DENND6B: variants seen among roughly 807,000 people sequenced by gnomAD.
DENND6B encodes protein DENND6B.
Under a neutral mutation model 85.1 loss-of-function variants are expected in DENND6B, and 73 were observed. The observed-to-expected ratio is 0.86, with a 90% CI of 0.71 to 1.04. The LOEUF (loss-of-function observed/expected upper bound fraction) is 1.04, where lower values mean the gene tolerates loss of function less well. Among genes scored for constraint, DENND6B ranks in the 50% least tolerant of loss-of-function variants. DENND6B has a pLI of 0.00. For synonymous variants in DENND6B, 357 were observed against 329.3 expected (o/e 1.08, Z -0.91); for missense variants, 715 against 785.8 (o/e 0.91, Z 1.08).
At chr22:50,318,702 C>T (rs1022612842) in intron 3 of DENND6B, 145 bp downstream of exon 3, 9 of 1,197,306 alleles carry the variant, frequency 7.5e-6, no homozygotes, top group Admixed American at 4.3e-5. Context: ...GGTGCCTCCA[C>T]GGAGTGGGCA....
intron 17 of DENND6B, 61 bp from the exon 18 acceptor site, chr22:50,312,686 C>A: frequency 8.4e-7 from 1 of 1,183,606 alleles, no homozygotes. Flanking sequence ...AGGCGGGGGC[C>A]ATGGGGCTGA....
chr22:50,313,089 G>A lies in DENND6B; in HGVS notation c.1367C>T (p.Pro456Leu). ...TPWKTPPQIQ[P>L]FSQDDFLRSL... ...ACGCAGGAAGTCATCCTGGCTGAAG[G>A]GCTGGATCTGGGGGGGAGTCTGAGA... The change falls in exon 17 of 20, where the codon CCC (proline) becomes CTC (leucine). Residue 456 changes from proline (P) to leucine (L), a missense_variant. Transcript: ENST00000413817. 1.3e-6 allele frequency: 2 copies of A among 1,556,590 alleles called. No homozygotes were observed. Among genetic ancestry groups the A allele is most frequent in the Non-Finnish European group, 1.7e-6 (2 of 1,150,764 alleles).
At chr22:50,314,057 C>A in intron 13 of DENND6B, 150 bp downstream of exon 13, 1 of 1,270,894 alleles carries the variant, frequency 7.9e-7, no homozygotes, top group Non-Finnish European at 1.1e-6. Context: ...GAGAAGAGAG[C>A]GACCCCTCCC....
intron 16 of DENND6B, 62 bp from the exon 17 acceptor site, chr22:50,313,170 G>T: frequency 6.9e-7 from 1 of 1,458,518 alleles, no homozygotes; most frequent in South Asian, 1.3e-5. Context: ...CACCCGGTAC[G>T]CTTCCCAGAC....
At chr22:50,326,760 C>A in intron 1 of DENND6B, 52 bp downstream of exon 1, 1 of 1,316,366 alleles carries the variant, frequency 7.6e-7, no homozygotes, top group Non-Finnish European at 9.6e-7. Context: ...GGACTGGCCC[C>A]GAGAGGCGCA....
At chr22:50,323,637 G>A (rs1331194521) in intron 1 of DENND6B, among the ~76,000 whole-genome samples, 2 of 150,856 alleles carry the variant, frequency 1.3e-5, no homozygotes, top group South Asian at 2.1e-4. Flanking sequence ...GACCAAGCTG[G>A]TCTAGAACTC....
At chr22:50,320,962 C>T (rs1369271473) in intron 1 of DENND6B, among the ~76,000 whole-genome samples, 1 of 152,174 alleles carries the variant, frequency 6.6e-6, no homozygotes, top group East Asian at 1.9e-4. Flanking sequence ...AGGGGTCAGG[C>T]CACCCAGGGT....
chr22:50,314,285 C>T lies in DENND6B; in HGVS notation c.1073-13G>A, dbSNP rs1030422398. 27 of 1,608,234 alleles carry T rather than the reference C, an allele frequency of 1.7e-5. No individual in the cohort carries two copies. Among genetic ancestry groups the T allele is most frequent in the Non-Finnish European group, 2.1e-5 (25 of 1,178,404 alleles). ...TTAGGCAGGTCTCCTACGAGACACG[C>T]CCGGTGGCCAGGCCTCAGTGCCCGC... On this transcript the variant is annotated splice_polypyrimidine_tract_variant and intron_variant, in intron 12 of 19. Transcript: ENST00000413817.
intron 1 of DENND6B, 77 bp from the exon 2 acceptor site, chr22:50,319,080 G>A: frequency 6.5e-7 from 1 of 1,548,286 alleles, no homozygotes; most frequent in Non-Finnish European, 8.7e-7. Flanking sequence ...CTGCTGGACT[G>A]TGACCGTCCC....
At chr22:50,319,267 G>A (rs1345722706) in intron 1 of DENND6B, 2 of 985,152 alleles carry the variant, frequency 2.0e-6, no homozygotes, top group Non-Finnish European at 2.4e-6. Context: ...GCTCCTTGCT[G>A]ACCCGCTCCT....
chr22:50,310,464 C>G lies in DENND6B; in HGVS notation c.*1675G>C, dbSNP rs535413836. Reference sequence around the variant, plus strand: ...GTTGACATGTACCAAGTTCTGAGAACTACCTGGCGCCCGGACACCTGACCC... The same window carrying G: ...GTTGACATGTACCAAGTTCTGAGAAGTACCTGGCGCCCGGACACCTGACCC... On this transcript the variant is annotated 3_prime_UTR_variant, in exon 20 of 20. Transcript: ENST00000413817. 3.3e-5 allele frequency: 5 copies of G among 152,380 alleles called. No individual in the cohort carries two copies. In the South Asian group the frequency reaches 1.0e-3, roughly 32 times the overall value. 9.4% of individuals were successfully genotyped at this position (152,380 alleles called of 1,614,324 possible). A position where few individuals can be genotyped will look rare whatever the true frequency, so the allele number is the denominator to read the frequency against.
chr22:50,319,833 G>A (rs2041987768), intron 1 of DENND6B, among the ~76,000 whole-genome samples: 1 of 152,240 alleles, frequency 6.6e-6, no homozygotes, highest in South Asian at 2.1e-4. Flanking sequence ...CCCACCTGTA[G>A]CGCCCAGCCG....
At chr22:50,326,319 G>A (rs1473997642) in intron 1 of DENND6B, among the ~76,000 whole-genome samples, 2 of 152,250 alleles carry the variant, frequency 1.3e-5, no homozygotes, top group Admixed American at 6.5e-5. Context: ...TTTTAAGCAG[G>A]AGAGCCACAA....
At chr22:50,318,754 G>GGGCAGCCGA in intron 3 of DENND6B, 93 bp downstream of exon 3, 5 of 1,546,076 alleles carry the variant, frequency 3.2e-6, no homozygotes, top group Non-Finnish European at 4.4e-6. Flanking sequence ...CTGGGCACCG[G>GGGCAGCCGA]GGCAGCCGAG....
intron 6 of DENND6B, 57 bp from the exon 7 acceptor site, chr22:50,316,310 C>T: frequency 6.4e-7 from 1 of 1,562,478 alleles, no homozygotes; most frequent in Non-Finnish European, 8.7e-7. Flanking sequence ...GCTGCCGAGC[C>T]CACCAGGGGC....
intron 1 of DENND6B, among the ~76,000 whole-genome samples, chr22:50,322,493 C>T (rs973378251): frequency 2.6e-5 from 4 of 152,184 alleles, no homozygotes; most frequent in African/African-American, 9.7e-5. Flanking sequence ...ACTCCAGAGA[C>T]CTCTGAGGGA....
chr22:50,316,134 C>G (rs774484130), intron 7 of DENND6B, 40 bp downstream of exon 7: 4 of 1,612,526 alleles, frequency 2.5e-6, no homozygotes, highest in Non-Finnish European at 2.5e-6. Flanking sequence ...GGCATCCCCA[C>G]ACACCTGCAG....
rs2041809214 is a variant in DENND6B, at chr22:50,316,235, T to C, written c.578A>G (p.Gln193Arg). ...CTGCCCAGGTGCAGGCGCCGGCCAC[T>C]GGTCGATCTCACTGCACACTGCGGA... is the stretch of plus-strand genomic sequence containing the variant. ...CLEAVCSEID[Q>R]WPAPAPGQTL... is the part of the protein sequence containing the mutation. Residue 193 changes from glutamine (Q) to arginine (R), a missense_variant, in exon 7 of 20, where the codon CAG (glutamine) becomes CGG (arginine). Coordinates refer to ENST00000413817, the MANE Select transcript of DENND6B (RefSeq NM_001001794.4). 1.2e-6 allele frequency: 2 copies of C among 1,608,098 alleles called. No individual in the cohort carries two copies. The highest frequency in any genetic ancestry group is 1.1e-5 in the South Asian group (1 of 90,678).
At chr22:50,315,890 G>T in intron 8 of DENND6B, 121 bp from the exon 9 acceptor site, 2 of 1,522,622 alleles carry the variant, frequency 1.3e-6, no homozygotes, top group Non-Finnish European at 1.8e-6. Flanking sequence ...CCAACACACA[G>T]CCTGTGGCTT....
Sources: allele counts gnomAD v4.1 joint callset (sites outside exome capture counted in the v4.1 genomes callset), GRCh38; gene constraint gnomAD v4.1.1; transcripts MANE v1.5; gene names NCBI Gene and HGNC (gene_info 2026-07-23, HGNC 2026-07-21).